NHLRC2: variants seen among roughly 807,000 people sequenced by gnomAD.
NHLRC2 encodes NHL repeat containing 2.
Under a neutral mutation model 68.1 loss-of-function variants are expected in NHLRC2, and 33 were observed. The ratio of observed to expected loss-of-function variants is 0.48; its 90% confidence interval spans 0.37 to 0.65. The LOEUF (loss-of-function observed/expected upper bound fraction) is 0.65, where lower values mean the gene tolerates loss of function less well. NHLRC2 is among the 30% of genes least tolerant of loss of function. The pLI is 0.00. For missense variants in NHLRC2, 761 were observed against 853.8 expected (o/e 0.89, Z 1.35); for synonymous variants, 311 against 309.6 (o/e 1.00, Z -0.05).
intron 2 of NHLRC2, among the ~76,000 whole-genome samples, chr10:113,868,495 G>A (rs974519217): frequency 5.9e-5 from 9 of 152,132 alleles, no homozygotes; most frequent in Admixed American, 1.3e-4. Context: ...GTGTTTGTAC[G>A]TAGATCAATA....
intron 2 of NHLRC2, among the ~76,000 whole-genome samples, chr10:113,875,132 C>T (rs1053674166): frequency 6.6e-5 from 10 of 151,604 alleles, no homozygotes; most frequent in Non-Finnish European, 1.2e-4. Flanking sequence ...GTATCCTGGA[C>T]GTTGGAATGT....
chr10:113,886,254 A>T (rs920828892), intron 5 of NHLRC2, among the ~76,000 whole-genome samples: 11 of 152,318 alleles, frequency 7.2e-5, no homozygotes, highest in African/African-American at 2.6e-4. Context: ...AAATAAATGG[A>T]GAGATATTCC....
intron 2 of NHLRC2, among the ~76,000 whole-genome samples, chr10:113,869,757 G>A (rs1027032220): frequency 1.3e-5 from 2 of 152,134 alleles, no homozygotes; most frequent in Non-Finnish European, 2.9e-5. Flanking sequence ...TACATAAAAT[G>A]TATACAGATT....
chr10:113,886,380 A>G (rs575441849), intron 5 of NHLRC2, among the ~76,000 whole-genome samples: 114 of 152,322 alleles, frequency 7.5e-4, no homozygotes, highest in African/African-American at 2.3e-3. Flanking sequence ...AGAAATAGAA[A>G]AAAACTATCT....
intron 2 of NHLRC2, among the ~76,000 whole-genome samples, chr10:113,862,161 G>A (rs1224073564): frequency 1.3e-5 from 2 of 152,014 alleles, no homozygotes; most frequent in Non-Finnish European, 2.9e-5. Flanking sequence ...TTAACGCCAT[G>A]AGCCACCGAG....
At chr10:113,881,193 G>A (rs140254128) in intron 4 of NHLRC2, among the ~76,000 whole-genome samples, 2 of 151,938 alleles carry the variant, frequency 1.3e-5, no homozygotes, top group African/African-American at 4.8e-5. Flanking sequence ...TAGTAAAATA[G>A]CCAGCCTGCA....
At chr10:113,857,086 T>G (rs1370376283) in intron 1 of NHLRC2, among the ~76,000 whole-genome samples, 2 of 152,210 alleles carry the variant, frequency 1.3e-5, no homozygotes, top group Admixed American at 6.5e-5. Context: ...TGTAAAATTC[T>G]TAATTCACAG....
intron 5 of NHLRC2, 81 bp downstream of exon 5, chr10:113,884,461 G>T: frequency 8.8e-7 from 1 of 1,141,856 alleles, no homozygotes; most frequent in Non-Finnish European, 1.3e-6. Context: ...GTGGTCATTT[G>T]GATTCCATTA....
intron 2 of NHLRC2, among the ~76,000 whole-genome samples, chr10:113,859,098 T>C (rs777650751): frequency 6.6e-6 from 1 of 152,162 alleles, no homozygotes; most frequent in African/African-American, 2.4e-5. Context: ...TCATTAATAT[T>C]GAATGACATG....
chr10:113,887,505 C>T (rs1028052171), intron 5 of NHLRC2, among the ~76,000 whole-genome samples: 3 of 152,184 alleles, frequency 2.0e-5, no homozygotes, highest in Non-Finnish European at 4.4e-5. Flanking sequence ...CATGGTGGCT[C>T]ATGCCTGTAA....
Position 113,854,892 on chromosome 10 carries a change from G to C in NHLRC2, c.20G>C (p.Arg7Pro). 2 of 1,547,118 alleles carry C rather than the reference G, an allele frequency of 1.3e-6. No individual in the cohort carries two copies. The highest frequency in any genetic ancestry group is 8.7e-7 in the Non-Finnish European group (1 of 1,145,382). The change falls in exon 1 of 11, where the codon CGG (arginine) becomes CCG (proline). Residue 7 changes from arginine (R) to proline (P), a missense_variant. Coordinates refer to ENST00000369301, the MANE Select transcript of NHLRC2 (RefSeq NM_198514.4). MAAPGG[R>P]GRSLSGLLPA... The stretch of plus-strand genomic sequence containing the variant: ...GGAAACATGGCGGCGCCCGGAGGCC[G>C]GGGCCGCAGCCTCTCCGGCCTGCTC...
intron 2 of NHLRC2, among the ~76,000 whole-genome samples, chr10:113,863,241 A>T (rs1386661446): frequency 6.6e-6 from 1 of 152,048 alleles, no homozygotes; most frequent in African/African-American, 2.4e-5. Flanking sequence ...ATTTCAATAG[A>T]TTTTTTTTAA....
Position 113,902,628 on chromosome 10 carries a change from T to C in NHLRC2, c.1494+35T>C, listed in dbSNP as rs746639637. Reference sequence around the variant, plus strand: ...GACAGAATTATATAATATCTTGCTTTTTGTGTGTGGCATTTAAAATGCTGA... The same window carrying C: ...GACAGAATTATATAATATCTTGCTTCTTGTGTGTGGCATTTAAAATGCTGA... On this transcript the variant is annotated intron_variant, in intron 8 of 10. Coordinates refer to ENST00000369301, the MANE Select transcript of NHLRC2 (RefSeq NM_198514.4). 6 of 1,582,682 alleles carry C rather than the reference T, an allele frequency of 3.8e-6. No homozygotes were observed. In the Admixed American group the frequency reaches 1.1e-4, roughly 30 times the overall value.
At chr10:113,866,449 G>A (rs1177704874) in intron 2 of NHLRC2, among the ~76,000 whole-genome samples, 4 of 152,058 alleles carry the variant, frequency 2.6e-5, no homozygotes, top group Admixed American at 1.3e-4. Flanking sequence ...ATTATCTAAG[G>A]AAAAGCACTT....
At chr10:113,870,182 C>T (rs370640131) in intron 2 of NHLRC2, among the ~76,000 whole-genome samples, 18 of 152,226 alleles carry the variant, frequency 1.2e-4, no homozygotes, top group African/African-American at 3.6e-4. Context: ...TCTAAAGTAT[C>T]GTTAGATTTA....
At chr10:113,855,132 C>T (rs1335318052) in intron 1 of NHLRC2, 82 bp downstream of exon 1, 1 of 1,307,284 alleles carries the variant, frequency 7.6e-7, no homozygotes, top group Middle Eastern at 2.5e-4. Flanking sequence ...AAGCGGTGGG[C>T]TAGGCGGGTT....
At position 113,915,141 on chromosome 10, in the gene NHLRC2, T is replaced by C. The variant is rs1846370286; in HGVS notation, c.*6605T>C. The C allele has an allele frequency of 6.6e-6, 3 of 456,234 alleles. No homozygotes were observed. Among genetic ancestry groups the C allele is most frequent in the Non-Finnish European group, 1.3e-5 (3 of 226,988 alleles). The allele number at this position is 456,234 out of a possible 1,614,324, so 28.3% of individuals were successfully genotyped here. A position where few individuals can be genotyped will look rare whatever the true frequency, so the allele number is the denominator to read the frequency against. On this transcript the variant is annotated 3_prime_UTR_variant, in exon 11 of 11. Transcript: ENST00000369301. ...GCTGTGGAATGTTTGCCTGGTTGTATTGGTGTGTCCCTCTTCTTCACTGGC... is the reference window on the plus strand; with the variant it reads ...GCTGTGGAATGTTTGCCTGGTTGTACTGGTGTGTCCCTCTTCTTCACTGGC...
chr10:113,855,098 C>A, intron 1 of NHLRC2, 48 bp downstream of exon 1: 2 of 1,476,440 alleles, frequency 1.4e-6, no homozygotes, highest in South Asian at 1.2e-5. Context: ...ACCTCCCCTT[C>A]CTCGGGGACG....
chr10:113,868,185 T>C (rs1845887735), intron 2 of NHLRC2, among the ~76,000 whole-genome samples: 2 of 152,088 alleles, frequency 1.3e-5, no homozygotes, highest in Non-Finnish European at 2.9e-5. Flanking sequence ...GATGGTGGTG[T>C]TTTACTTCAC....
Sources: gnomAD v4.1 joint callset for allele counts (sites outside exome capture counted in the v4.1 genomes callset) on GRCh38, gnomAD v4.1.1 for gene constraint, MANE v1.5 for transcripts, NCBI Gene and HGNC (gene_info 2026-07-23, HGNC 2026-07-21) for gene names.